The following MLC1 variants were observed in gnomAD, a reference collection of about 807,000 sequenced individuals.
The protein encoded by MLC1 is modulator of VRAC current 1, also known as membrane protein MLC1.
In MLC1, 32 loss-of-function variants were observed where a neutral mutation model predicts 44.7. That is an observed-to-expected ratio of 0.72 (90% CI 0.54 to 0.96). The LOEUF (loss-of-function observed/expected upper bound fraction) is 0.96, where lower values mean the gene tolerates loss of function less well. Ranked by LOEUF, MLC1 falls within the 40% of genes least tolerant of loss-of-function variation. The probability of loss-of-function intolerance (pLI) is 0.00; values close to 1 mark genes in which losing one functional copy is unlikely to be tolerated. For synonymous variants in MLC1, 190 were observed against 213.0 expected (o/e 0.89, Z 0.94); for missense variants, 459 against 492.2 (o/e 0.93, Z 0.64).
chr22:50,071,164 G>A (rs1408075636), intron 8 of MLC1, among the ~76,000 whole-genome samples: 7 of 150,620 alleles, frequency 4.6e-5, no homozygotes, highest in South Asian at 2.1e-4. Context: ...GCTGGAGTAC[G>A]GTGGCGCGAT....
At position 50,061,069 on chromosome 22, in the gene MLC1, C is replaced by G. The variant is rs11913258; in HGVS notation, c.*514G>C. 548 of 183,378 alleles carry G rather than the reference C, an allele frequency of 3.0e-3. 1 individual carries two copies. The highest frequency in any genetic ancestry group is 0.012 in the African/African-American group (528 of 42,848). The allele number at this position is 183,378 out of a possible 1,614,324, so 11.4% of individuals were successfully genotyped here. A position where few individuals can be genotyped will look rare whatever the true frequency, so the allele number is the denominator to read the frequency against. ...CTGTCCAGGAAGAGCCGCTGGGCAG[C>G]CTGAGCCTGGGGCAGGTGCACCTTG... On this transcript the variant is annotated 3_prime_UTR_variant, in exon 12 of 12. Transcript: ENST00000311597.
Position 50,085,352 on chromosome 22 carries a change from T to A in MLC1, c.-60+3A>T. The stretch of plus-strand genomic sequence containing the variant: ...CTCAACGGCTTAATGTCTGAGCACT[T>A]ACCTCCCCCGCTGCTCTGCCGTTGG... On this transcript the variant is annotated splice_donor_region_variant and intron_variant, in intron 1 of 11. Coordinates refer to ENST00000311597, the MANE Select transcript of MLC1 (RefSeq NM_015166.4). 1 of 309,490 alleles carries A rather than the reference T, an allele frequency of 3.2e-6. No individual in the cohort carries two copies. Among genetic ancestry groups the A allele is most frequent in the Non-Finnish European group, 5.4e-6 (1 of 185,898 alleles). The allele number at this position is 309,490 out of a possible 1,614,324, so 19.2% of individuals were successfully genotyped here. A position where few individuals can be genotyped will look rare whatever the true frequency, so the allele number is the denominator to read the frequency against.
In MLC1 at chr22:50,061,145, C is replaced by T; in HGVS notation, c.*438G>A. The T allele has an allele frequency of 3.5e-6, 1 of 282,534 alleles. No homozygotes were observed. The highest frequency in any genetic ancestry group is 3.7e-5 in the South Asian group (1 of 26,770). The allele number at this position is 282,534 out of a possible 1,614,324, so 17.5% of individuals were successfully genotyped here. On this transcript the variant is annotated 3_prime_UTR_variant, in exon 12 of 12. Coordinates refer to ENST00000311597, the MANE Select transcript of MLC1 (RefSeq NM_015166.4). ...GGCTGACTGAGTACCCGGGACAGAC[C>T]CTAAGCGTGGAGGGAGGAAGCCCGG...
At position 50,083,230 on chromosome 22, in the gene MLC1, C is replaced by T. The variant is rs1007839750; in HGVS notation, c.178-57G>A. Reference sequence around the variant, plus strand: ...ACGCGCCCCGTCCCCAGGCTGGACCCTGACCCTTCAACTTCTGCTTCACTG... The same window carrying T: ...ACGCGCCCCGTCCCCAGGCTGGACCTTGACCCTTCAACTTCTGCTTCACTG... On this transcript the variant is annotated intron_variant, in intron 2 of 11. Transcript: ENST00000311597. This position sits in a 1 kb window ranked among gnomAD's most constrained non-coding sequence, Gnocchi z 4.6. 1.1e-5 allele frequency: 17 copies of T among 1,481,990 alleles called. No individual in the cohort carries two copies. Among genetic ancestry groups the T allele is most frequent in the Admixed American group, 3.4e-5 (2 of 59,662 alleles). 91.8% of individuals were successfully genotyped at this position (1,481,990 alleles called of 1,614,324 possible).
chr22:50,075,666 C>T (rs2061961141), intron 7 of MLC1, among the ~76,000 whole-genome samples: 1 of 148,108 alleles, frequency 6.8e-6, no homozygotes, highest in Non-Finnish European at 1.5e-5. Flanking sequence ...ACCAAGATCA[C>T]ACCACTGCAC....
intron 11 of MLC1, among the ~76,000 whole-genome samples, chr22:50,063,716 C>A (rs573207091): frequency 2.6e-4 from 38 of 147,500 alleles, no homozygotes; most frequent in African/African-American, 9.2e-4. Context: ...TGGCTGAGCA[C>A]CCCTGTGGGC....
intron 10 of MLC1, among the ~76,000 whole-genome samples, chr22:50,065,471 T>C (rs2061682883): frequency 6.6e-6 from 1 of 151,874 alleles, no homozygotes; most frequent in African/African-American, 2.4e-5. Context: ...GAACAAGAAA[T>C]AGCCGCCAGG....
At chr22:50,082,266 T>C (rs1267706203) in intron 3 of MLC1, among the ~76,000 whole-genome samples, 2 of 151,340 alleles carry the variant, frequency 1.3e-5, no homozygotes, top group African/African-American at 4.9e-5. Flanking sequence ...GGGCATGGGG[T>C]CCATGGCTTG....
At chr22:50,076,965 C>T in intron 6 of MLC1, 53 bp from the exon 7 acceptor site, 1 of 1,601,160 alleles carries the variant, frequency 6.2e-7, no homozygotes, top group Non-Finnish European at 8.6e-7. Flanking sequence ...GGACTCAGCA[C>T]TGCCGCTGGC....
In MLC1 at chr22:50,076,916, C is replaced by A. The variant is rs756356978; in HGVS notation, c.526-4G>T. 3.1e-6 allele frequency: 5 copies of A among 1,613,776 alleles called. No individual in the cohort carries two copies. The highest frequency in any genetic ancestry group is 1.6e-4 in the Middle Eastern group (1 of 6,076). ...TGGCGCTGTCAGACATGGAGCCCTA[C>A]GAAGAAACAGAACTGTCACCCCGGG... is the stretch of plus-strand genomic sequence containing the variant. On this transcript the variant is annotated splice_polypyrimidine_tract_variant and splice_region_variant and intron_variant, in intron 6 of 11. Transcript: ENST00000311597.
chr22:50,070,283 A>G (rs2061819023), intron 9 of MLC1, among the ~76,000 whole-genome samples: 1 of 152,212 alleles, frequency 6.6e-6, no homozygotes, highest in South Asian at 2.1e-4. Context: ...AGGGTTAGGC[A>G]CAGAGAGCGC....
chr22:50,080,389 G>A lies in MLC1; in HGVS notation c.276C>T (p.Pro92=), dbSNP rs1362380219. The change falls in exon 4 of 12, where the codon CCC becomes CCT. Residue 92 remains proline, a synonymous_variant. Coordinates refer to ENST00000311597, the MANE Select transcript of MLC1 (RefSeq NM_015166.4). The stretch of plus-strand genomic sequence containing the variant: ...AGACGGTGAAGCTCACAATTGCCGA[G>A]GGGATGCACTGGAATGAAACCGGAA... ...YLRCAAGSCI[P]SAIVSFTVSR... 6.2e-7 allele frequency: 1 copy of A among 1,605,102 alleles called. No homozygotes were observed. Among genetic ancestry groups the A allele is most frequent in the Non-Finnish European group, 8.5e-7 (1 of 1,175,854 alleles).
intron 10 of MLC1, among the ~76,000 whole-genome samples, chr22:50,065,028 G>A (rs188426056): frequency 2.6e-5 from 4 of 152,146 alleles, no homozygotes; most frequent in Non-Finnish European, 4.4e-5. Context: ...AGGTTCAAGC[G>A]ATTCTCCTGC....
intron 10 of MLC1, 92 bp downstream of exon 10, chr22:50,068,341 C>A: frequency 1.3e-6 from 2 of 1,522,624 alleles, no homozygotes; most frequent in South Asian, 2.3e-5. Flanking sequence ...CTGGAGCCAG[C>A]GCCCCCAGAG....
At chr22:50,081,169 A>G (rs1248045023) in intron 3 of MLC1, among the ~76,000 whole-genome samples, 3 of 151,902 alleles carry the variant, frequency 2.0e-5, no homozygotes, top group African/African-American at 7.3e-5. Flanking sequence ...GTGAAACCCC[A>G]TCTCTACTAA....
intron 11 of MLC1, among the ~76,000 whole-genome samples, chr22:50,063,724 G>A (rs2061625598): frequency 7.3e-6 from 1 of 137,604 alleles, no homozygotes; most frequent in African/African-American, 2.7e-5. Context: ...CACCCCTGTG[G>A]GCCACTCACC....
chr22:50,074,084 T>C, intron 8 of MLC1, 132 bp downstream of exon 8: 3 of 720,802 alleles, frequency 4.2e-6, no homozygotes, highest in Non-Finnish European at 7.5e-6. Flanking sequence ...TCTTCTGAAG[T>C]TGGGGGCCAG....
rs982760757 is a variant in MLC1 at position 50,077,326 on chromosome 22, G to A, written c.525+75C>T. Reference sequence around the variant, plus strand: ...CCCAGATCGGCCCTCCGAGGGTGACGCTGAGACCCACCTCGCTCACCCTGG... The same window carrying A: ...CCCAGATCGGCCCTCCGAGGGTGACACTGAGACCCACCTCGCTCACCCTGG... On this transcript the variant is annotated intron_variant, in intron 6 of 11. Transcript: ENST00000311597. 6.9e-5 allele frequency: 93 copies of A among 1,338,326 alleles called. No homozygotes were observed. In the African/African-American group the frequency reaches 1.2e-3, roughly 17 times the overall value. The allele number at this position is 1,338,326 out of a possible 1,614,324, so 82.9% of individuals were successfully genotyped here.
intron 3 of MLC1, among the ~76,000 whole-genome samples, chr22:50,081,009 A>AACAG (rs1555967989): frequency 2.1e-5 from 2 of 96,740 alleles, no homozygotes; most frequent in African/African-American, 9.1e-5. Context: ...TTGTCTCAAA[A>AACAG]AAAGAAAGAA....
Sources: allele counts gnomAD v4.1 joint callset (sites outside exome capture counted in the v4.1 genomes callset), GRCh38; gene constraint gnomAD v4.1.1; non-coding constraint Gnocchi (gnomAD v3.1); transcripts MANE v1.5; gene names NCBI Gene and HGNC (gene_info 2026-07-23, HGNC 2026-07-21).